SUN1: variants seen among roughly 807,000 people sequenced by gnomAD.
SUN1 encodes the protein SUN domain-containing protein 1.
In SUN1, 61 loss-of-function variants were observed where a neutral mutation model predicts 103.2. The observed-to-expected ratio is 0.59, with a 90% CI of 0.48 to 0.73. The LOEUF (loss-of-function observed/expected upper bound fraction) is 0.73. Ranked by LOEUF, SUN1 falls within the 30% of genes least tolerant of loss-of-function variation. SUN1 has a pLI of 0.00. For synonymous variants in SUN1, 490 were observed against 425.7 expected (o/e 1.15, Z -1.86); for missense variants, 1,052 against 1,034.6 (o/e 1.02, Z -0.23).
chr7:823,623 C>T (rs899601228), intron 1 of SUN1, among the ~76,000 whole-genome samples: 2 of 152,102 alleles, frequency 1.3e-5, no homozygotes, highest in Non-Finnish European at 2.9e-5. Context: ...GCCGTGTGTG[C>T]AGGCAGCCAT....
At chr7:817,690 C>T (rs1398655557) in intron 1 of SUN1, among the ~76,000 whole-genome samples, 1 of 152,212 alleles carries the variant, frequency 6.6e-6, no homozygotes, top group African/African-American at 2.4e-5. Flanking sequence ...TCTGTTTTTA[C>T]TCCCTACATC....
chr7:820,713 T>A (rs1785087162), intron 1 of SUN1, among the ~76,000 whole-genome samples: 1 of 152,230 alleles, frequency 6.6e-6, no homozygotes, highest in Admixed American at 6.5e-5. Context: ...GTGAGGAAGT[T>A]CCCTTCCATT....
intron 5 of SUN1, among the ~76,000 whole-genome samples, chr7:846,580 A>T (rs1441977160): frequency 6.6e-6 from 1 of 152,056 alleles, no homozygotes; most frequent in African/African-American, 2.4e-5. Flanking sequence ...TCAAATAAAT[A>T]AATTAAAAAA....
intron 15 of SUN1, among the ~76,000 whole-genome samples, chr7:861,818 C>T (rs955478286): frequency 9.9e-5 from 15 of 152,226 alleles, no homozygotes; most frequent in Admixed American, 6.5e-4. Context: ...TCCCCGAGGG[C>T]GTCCACTCAG....
chr7:846,456 C>T (rs1473171304), intron 5 of SUN1, among the ~76,000 whole-genome samples: 2 of 151,962 alleles, frequency 1.3e-5, no homozygotes, highest in Non-Finnish European at 2.9e-5. Flanking sequence ...ACCTGTAGTC[C>T]CAGCTACTTG....
chr7:832,717 G>A, intron 1 of SUN1, 116 bp downstream of exon 1: 1 of 797,724 alleles, frequency 1.3e-6, no homozygotes, highest in African/African-American at 1.7e-5. Context: ...TATTTTGAAG[G>A]TGAAAAAAAA....
At chr7:835,214 C>T (rs993141067) in intron 1 of SUN1, among the ~76,000 whole-genome samples, 5 of 152,390 alleles carry the variant, frequency 3.3e-5, no homozygotes, top group South Asian at 4.1e-4. Flanking sequence ...CCCAGCACTT[C>T]GGAGCCTCTG....
intron 1 of SUN1, among the ~76,000 whole-genome samples, chr7:819,121 C>T (rs1422890746): frequency 2.0e-5 from 3 of 151,954 alleles, no homozygotes; most frequent in Non-Finnish European, 4.4e-5. Flanking sequence ...CCTCGCCCTC[C>T]CAAAGTGCTG....
chr7:848,996 G>T (rs1431403749), intron 5 of SUN1, among the ~76,000 whole-genome samples: 2 of 152,172 alleles, frequency 1.3e-5, no homozygotes, highest in Non-Finnish European at 2.9e-5. Context: ...TTGTTGCCCA[G>T]GCTGGAGTGC....
Position 838,908 on chromosome 7 carries a change from G to T in SUN1, c.188G>T (p.Cys63Phe). The change falls in exon 2 of 19, where the codon TGC (cysteine) becomes TTC (phenylalanine). Residue 63 changes from cysteine to phenylalanine, a missense_variant. This residue lies in a region of SUN1 where 846 missense variants were observed against 774.5 expected (regional missense o/e 1.09). Coordinates refer to ENST00000401592, the MANE Select transcript of SUN1 (RefSeq NM_001130965.3). ...AGTTTGCGCCTGGCCACGACAGCATGCACCCTGGGGGATGGTGAGGCTGTG... is the reference window on the plus strand; with the variant it reads ...AGTTTGCGCCTGGCCACGACAGCATTCACCCTGGGGGATGGTGAGGCTGTG... The part of the protein sequence containing the change: ...RRSLRLATTA[C>F]TLGDGEAVGA... 2 of 1,611,440 alleles carry T rather than the reference G, an allele frequency of 1.2e-6. No homozygotes were observed. Among genetic ancestry groups the T allele is most frequent in the Non-Finnish European group, 1.7e-6 (2 of 1,179,286 alleles).
intron 1 of SUN1, among the ~76,000 whole-genome samples, chr7:834,415 T>G (rs1388380382): frequency 6.6e-6 from 1 of 152,094 alleles, no homozygotes; most frequent in Non-Finnish European, 1.5e-5. Context: ...CTCACCTGAG[T>G]GGAGGCCCGT....
intron 1 of SUN1, among the ~76,000 whole-genome samples, chr7:824,697 G>A (rs917000080): frequency 5.9e-5 from 9 of 152,192 alleles, no homozygotes; most frequent in African/African-American, 1.4e-4. Flanking sequence ...ACACTCAGCT[G>A]TTTTCTTGAT....
chr7:850,252 G>T (rs948290539), intron 5 of SUN1: 4 of 527,416 alleles, frequency 7.6e-6, no homozygotes, highest in Non-Finnish European at 1.4e-5. Flanking sequence ...AGGCTGGAGT[G>T]CAGTGGTGCA....
intron 1 of SUN1, among the ~76,000 whole-genome samples, chr7:823,078 G>A (rs907312578): frequency 3.9e-5 from 6 of 152,264 alleles, no homozygotes; most frequent in Admixed American, 6.5e-5. Flanking sequence ...AGTAGAGAGC[G>A]GTGGAGACTG....
chr7:860,707 C>T (rs1831493374), intron 14 of SUN1, among the ~76,000 whole-genome samples: 1 of 152,188 alleles, frequency 6.6e-6, no homozygotes, highest in South Asian at 2.1e-4. Context: ...AAAGTCTCTC[C>T]GTGTATTAGT....
intron 10 of SUN1, among the ~76,000 whole-genome samples, 179 bp downstream of exon 10, chr7:853,797 G>T (rs1210092084): frequency 1.3e-5 from 2 of 152,226 alleles, no homozygotes; most frequent in Admixed American, 1.3e-4. Flanking sequence ...CCCGTCGTCT[G>T]CCGATGACCA....
chr7:837,389 C>T (rs534853480), intron 1 of SUN1, among the ~76,000 whole-genome samples: 1 of 152,318 alleles, frequency 6.6e-6, no homozygotes, highest in Non-Finnish European at 1.5e-5. Context: ...CGGGCAGGTG[C>T]TGTGGGTCCA....
At chr7:821,698 T>C (rs555644887) in intron 1 of SUN1, among the ~76,000 whole-genome samples, 2 of 152,312 alleles carry the variant, frequency 1.3e-5, no homozygotes, top group South Asian at 4.1e-4. Flanking sequence ...CCCTTGCCCT[T>C]ACCGCAGCGT....
At chr7:868,277 T>G (rs537586133) in intron 16 of SUN1, among the ~76,000 whole-genome samples, 6 of 152,324 alleles carry the variant, frequency 3.9e-5, no homozygotes, top group Non-Finnish European at 7.3e-5. Context: ...TCCCTGTGTG[T>G]GCCTGGGGAC....
Sources: allele counts gnomAD v4.1 joint callset (sites outside exome capture counted in the v4.1 genomes callset), GRCh38; gene constraint gnomAD v4.1.1; regional missense constraint gnomAD v4.1.1; transcripts MANE v1.5; gene names NCBI Gene and HGNC (gene_info 2026-07-23, HGNC 2026-07-21).